BDP1: variants seen among roughly 807,000 people sequenced by gnomAD.
BDP1 encodes the protein transcription factor TFIIIB component B'' homolog.
BDP1 carries 169 observed loss-of-function variants against 266.6 expected under a neutral mutation model. The observed-to-expected ratio is 0.63, with a 90% CI of 0.56 to 0.72. BDP1 has a LOEUF of 0.72. Ranked by LOEUF, BDP1 falls within the 30% of genes least tolerant of loss-of-function variation. The pLI is 0.00. For missense variants in BDP1, 3,015 were observed against 3,053.8 expected (o/e 0.99, Z 0.30); for synonymous variants, 1,090 against 1,022.4 (o/e 1.07, Z -1.26).
In BDP1 at chr5:71,565,685, A is replaced by T. The variant is rs1194099341; in HGVS notation, c.*800A>T. 1 of 153,418 alleles carries T rather than the reference A, an allele frequency of 6.5e-6. No individual in the cohort carries two copies. The highest frequency in any genetic ancestry group is 1.5e-5 in the Non-Finnish European group (1 of 68,888). 9.5% of individuals were successfully genotyped at this position (153,418 alleles called of 1,614,324 possible). A position where few individuals can be genotyped will look rare whatever the true frequency, so the allele number is the denominator to read the frequency against. ...GCGTTGTTTCACACAAGATCACCTA[A>T]CAAGGCAATTCTTAGAACATGTAGT... On this transcript the variant is annotated 3_prime_UTR_variant, in exon 39 of 39. Transcript: ENST00000358731.
Position 71,455,938 on chromosome 5 carries a change from G to T in BDP1, c.61G>T (p.Gly21Cys), listed in dbSNP as rs1333362031. The change falls in exon 1 of 39, where the codon GGC (glycine) becomes TGC (cysteine). Residue 21 changes from glycine to cysteine, a missense_variant. Around this residue, in one of 3 missense-constraint regions of BDP1, gnomAD observed 2,383 missense variants for 2,404.9 expected, o/e 0.99. Transcript: ENST00000358731. ...TGTCAGGCCTGGTGTAGGCGCCAGGGGCTCCACAGCTTCCAATCCCCAGCG... is the reference window on the plus strand; with the variant it reads ...TGTCAGGCCTGGTGTAGGCGCCAGGTGCTCCACAGCTTCCAATCCCCAGCG... ...PNVRPGVGAR[G>C]STASNPQRGR... 2 of 1,611,854 alleles carry T rather than the reference G, an allele frequency of 1.2e-6. No homozygotes were observed. Among genetic ancestry groups the T allele is most frequent in the African/African-American group, 1.3e-5 (1 of 74,932 alleles).
intron 25 of BDP1, among the ~76,000 whole-genome samples, chr5:71,531,888 T>A (rs1448550978): frequency 6.6e-6 from 1 of 152,228 alleles, no homozygotes; most frequent in African/African-American, 2.4e-5. Context: ...ACATGTCTGC[T>A]TTTCTGTTAG....
At chr5:71,513,486 G>A in intron 19 of BDP1, 79 bp downstream of exon 19, 1 of 818,968 alleles carries the variant, frequency 1.2e-6, no homozygotes, top group Non-Finnish European at 1.9e-6. Context: ...AAAGCACCTG[G>A]CATTAAAATT....
At chr5:71,479,577 C>T (rs1024219521) in intron 7 of BDP1, among the ~76,000 whole-genome samples, 2 of 151,292 alleles carry the variant, frequency 1.3e-5, no homozygotes, top group South Asian at 2.1e-4. Context: ...GGCGGAGTCT[C>T]GCTCTTTTGC....
intron 16 of BDP1, among the ~76,000 whole-genome samples, chr5:71,506,780 A>ATATT (rs1554117502): frequency 5.7e-5 from 6 of 105,768 alleles, no homozygotes; most frequent in Non-Finnish European, 1.2e-4. Context: ...ATATATATAT[A>ATATT]TTTGAAACAC....
intron 20 of BDP1, among the ~76,000 whole-genome samples, chr5:71,515,423 T>C (rs1030618371): frequency 4.6e-5 from 7 of 152,156 alleles, no homozygotes; most frequent in African/African-American, 1.7e-4. Context: ...TTAAAACTTT[T>C]TGAGAGCTGA....
At chr5:71,519,684 C>T (rs1765400064) in intron 22 of BDP1, among the ~76,000 whole-genome samples, 1 of 152,108 alleles carries the variant, frequency 6.6e-6, no homozygotes, top group African/African-American at 2.4e-5. Flanking sequence ...TGTATATATA[C>T]CACACTTTCT....
Position 71,495,385 on chromosome 5 carries a change from T to C in BDP1, c.1776T>C (p.Asn592=), listed in dbSNP as rs58187292. The part of the protein sequence containing the change: ...NAEGSCIEER[N]VDLKNNSLEI... Reference sequence around the variant, plus strand: ...AGGGTAGTTGTATAGAAGAAAGAAATGTTGACCTAAAAAATAATTCACTGT... The same window carrying C: ...AGGGTAGTTGTATAGAAGAAAGAAACGTTGACCTAAAAAATAATTCACTGT... Residue 592 remains asparagine (N), a synonymous_variant, in exon 12 of 39, where the codon AAT becomes AAC. Coordinates refer to ENST00000358731, the MANE Select transcript of BDP1 (RefSeq NM_018429.3). 1 of 1,579,160 alleles carries C rather than the reference T, an allele frequency of 6.3e-7. No individual in the cohort carries two copies. Among genetic ancestry groups the C allele is most frequent in the South Asian group, 1.2e-5 (1 of 82,790 alleles).
intron 16 of BDP1, among the ~76,000 whole-genome samples, chr5:71,508,902 T>A (rs539796994): frequency 2.6e-5 from 4 of 152,234 alleles, no homozygotes; most frequent in Admixed American, 2.0e-4. Flanking sequence ...TCTTTACTTA[T>A]GTTATGAAAT....
downstream of BDP1, among the ~76,000 whole-genome samples, chr5:71,571,658 G>A (rs1212710674): frequency 1.3e-5 from 2 of 151,752 alleles, no homozygotes; most frequent in Non-Finnish European, 2.9e-5. Flanking sequence ...TTTTGAGATG[G>A]AGTTTTGCTC....
At chr5:71,485,831 C>G (rs890521938) in intron 8 of BDP1, among the ~76,000 whole-genome samples, 7 of 152,120 alleles carry the variant, frequency 4.6e-5, no homozygotes, top group Admixed American at 4.6e-4. Flanking sequence ...GGTGAACAGG[C>G]ATTTCAAGGA....
chr5:71,571,094 T>C (rs530718929), downstream of BDP1, among the ~76,000 whole-genome samples: 1 of 152,352 alleles, frequency 6.6e-6, no homozygotes, highest in South Asian at 2.1e-4. Flanking sequence ...CTAGAGATGA[T>C]TTAAAGTATA....
At chr5:71,561,744 A>G (rs1350292451) in intron 37 of BDP1, among the ~76,000 whole-genome samples, 1 of 152,236 alleles carries the variant, frequency 6.6e-6, no homozygotes, top group Admixed American at 6.5e-5. Context: ...CAGTATGGAC[A>G]TCATTTGAGA....
chr5:71,479,982 T>G (rs1762842278), intron 7 of BDP1, among the ~76,000 whole-genome samples: 1 of 151,976 alleles, frequency 6.6e-6, no homozygotes, highest in African/African-American at 2.4e-5. Context: ...TCTCGCTATG[T>G]CACCCAGTCT....
Position 71,509,810 on chromosome 5 carries a change from A to T in BDP1, c.2718A>T (p.Gly906=). 1 of 1,614,110 alleles carries T rather than the reference A, an allele frequency of 6.2e-7. No homozygotes were observed. The highest frequency in any genetic ancestry group is 8.5e-7 in the Non-Finnish European group (1 of 1,180,010). The part of the protein sequence containing the change: ...IEMETGLKAM[G]REICLREKTP... ...TGGAGACAGGTCTGAAAGCAATGGG[A>T]AGAGAGATTTGTCTAAGGGAGAAGA... Residue 906 remains glycine (G), a synonymous_variant, in exon 17 of 39, where the codon GGA becomes GGT. Transcript: ENST00000358731.
intron 10 of BDP1, among the ~76,000 whole-genome samples, chr5:71,490,570 T>C (rs1763526820): frequency 6.6e-6 from 1 of 152,172 alleles, no homozygotes; most frequent in African/African-American, 2.4e-5. Flanking sequence ...TAGGATTGTT[T>C]CAAGTATTAA....
intron 7 of BDP1, among the ~76,000 whole-genome samples, chr5:71,478,772 C>T (rs1762752446): frequency 6.6e-6 from 1 of 151,924 alleles, no homozygotes; most frequent in African/African-American, 2.4e-5. Flanking sequence ...TTTTAAATTA[C>T]TTTTAATAGT....
chr5:71,473,686 T>G lies in BDP1; in HGVS notation c.1014+3197T>G, dbSNP rs1199842172. Among the ~76,000 whole-genome samples the G allele has an allele frequency of 3.3e-5, 5 of 152,170 alleles. No homozygotes were observed. The South Asian group carries it at 8.3e-4, about 25-fold the overall frequency. On this transcript the variant is annotated intron_variant, in intron 7 of 38. Transcript: ENST00000358731. Reference sequence around the variant, plus strand: ...GTGTTTGTTTTTCTAGCTTCTTTATTTATTTATTATACTTTAAGTTTTAGG... The same window carrying G: ...GTGTTTGTTTTTCTAGCTTCTTTATGTATTTATTATACTTTAAGTTTTAGG...
At chr5:71,517,285 A>G (rs545696831) in intron 21 of BDP1, 37 bp from the exon 22 acceptor site, 3 of 1,510,346 alleles carry the variant, frequency 2.0e-6, no homozygotes, top group Non-Finnish European at 2.7e-6. Flanking sequence ...ATATTCTGCT[A>G]TAAAAATAAC....
Sources: allele counts gnomAD v4.1 joint callset (sites outside exome capture counted in the v4.1 genomes callset), GRCh38; gene constraint gnomAD v4.1.1; regional missense constraint gnomAD v4.1.1; transcripts MANE v1.5; gene names NCBI Gene and HGNC (gene_info 2026-07-23, HGNC 2026-07-21).